Variants in CCDC192 observed in about 807,000 individuals in gnomAD.
The protein encoded by CCDC192 is coiled-coil domain-containing protein 192.
intron 3 of CCDC192, among the ~76,000 whole-genome samples, chr5:127,780,122 CATACACACACATATAT>C (rs1756113737): frequency 6.6e-6 from 1 of 151,948 alleles, no homozygotes; most frequent in Non-Finnish European, 1.5e-5. Context: ...TCTATATATA[CATACACACACATATAT>C]ATACACACAC....
In CCDC192 at chr5:127,899,579, A is replaced by AT. The variant is rs1554084559; in HGVS notation, c.535+23921dup. ...ACTGCACCAAAAAAAAAAAAAAAAA[A>AT]TTTGATTTGATGAGAAAAAAAGATC... On this transcript the variant is annotated intron_variant, in intron 6 of 6. Transcript: ENST00000514853. Among the ~76,000 whole-genome samples, 614 of 145,284 alleles carry AT rather than the reference A, an allele frequency of 4.2e-3. 7 individuals are homozygous for AT. The highest frequency in any genetic ancestry group is 0.015 in the African/African-American group (592 of 38,872).
intron 5 of CCDC192, among the ~76,000 whole-genome samples, chr5:127,861,716 A>G (rs1419533042): frequency 7.4e-6 from 1 of 135,158 alleles, no homozygotes; most frequent in Non-Finnish European, 1.6e-5. Flanking sequence ...TGAACATTTG[A>G]CGCTCAAAGC....
rs189096663 is a variant in CCDC192 at position 127,713,677 on chromosome 5, T to C, written c.114+5917T>C. On this transcript the variant is annotated intron_variant, in intron 2 of 6. Transcript: ENST00000514853. ...CCTAATTTTTATTCTAGGAATGTTA[T>C]ACTTTTAGGGATTTTTTCCTGTTGT... 4.2e-3 allele frequency among the ~76,000 whole-genome samples: 637 copies of C among 152,334 alleles called. 3 individuals are homozygous for C. Among genetic ancestry groups the C allele is most frequent in the Non-Finnish European group, 6.9e-3 (467 of 68,024 alleles).
At chr5:127,716,277 T>G (rs1443694492) in intron 2 of CCDC192, among the ~76,000 whole-genome samples, 1 of 152,262 alleles carries the variant, frequency 6.6e-6, no homozygotes, top group East Asian at 1.9e-4. Context: ...GATGTGCTAT[T>G]GGATTGGATT....
chr5:127,809,877 G>A (rs1285553233), intron 5 of CCDC192, among the ~76,000 whole-genome samples: 1 of 152,190 alleles, frequency 6.6e-6, no homozygotes, highest in African/African-American at 2.4e-5. Context: ...GATTTTTGGT[G>A]TGAAATCTTC....
intron 3 of CCDC192, among the ~76,000 whole-genome samples, chr5:127,776,670 A>G (rs187560268): frequency 2.6e-4 from 39 of 152,298 alleles, no homozygotes; most frequent in African/African-American, 9.4e-4. Flanking sequence ...CTGGGAGGAA[A>G]AAATGGTTTC....
intron 3 of CCDC192, among the ~76,000 whole-genome samples, chr5:127,788,597 A>G (rs576163013): frequency 1.8e-4 from 28 of 152,152 alleles, no homozygotes; most frequent in Admixed American, 7.2e-4. Flanking sequence ...TTATTCCTCA[A>G]TTCCTCCAAT....
chr5:127,814,366 C>T (rs1158653575), intron 5 of CCDC192, among the ~76,000 whole-genome samples: 3 of 152,210 alleles, frequency 2.0e-5, no homozygotes, highest in Non-Finnish European at 2.9e-5. Flanking sequence ...GTTTCCCCCT[C>T]AATGCTCTTT....
intron 6 of CCDC192, among the ~76,000 whole-genome samples, chr5:127,902,365 T>C (rs1229855233): frequency 6.6e-6 from 1 of 152,006 alleles, no homozygotes; most frequent in Non-Finnish European, 1.5e-5. Flanking sequence ...TTTTTTTTTT[T>C]TCCATTCTTG....
chr5:127,777,650 G>A (rs1040383554), intron 3 of CCDC192, among the ~76,000 whole-genome samples: 1 of 152,152 alleles, frequency 6.6e-6, no homozygotes, highest in East Asian at 1.9e-4. Context: ...TGTAACTCCT[G>A]TAAGTCCCAC....
rs566383979 is a variant in CCDC192, at chr5:127,792,601, G to A, written c.223-4502G>A. On this transcript the variant is annotated intron_variant, in intron 3 of 6. Coordinates refer to ENST00000514853, the MANE Select transcript of CCDC192 (RefSeq NM_001317938.2). ...TGCAGCTGTAGTCTCAGCTACCCAGGAAGGTGAGATGGGAGGATGGCTCGA... is the reference window on the plus strand; with the variant it reads ...TGCAGCTGTAGTCTCAGCTACCCAGAAAGGTGAGATGGGAGGATGGCTCGA... Among the ~76,000 whole-genome samples the A allele has an allele frequency of 2.0e-3, 298 of 151,542 alleles. 1 individual carries two copies. The highest frequency in any genetic ancestry group is 2.6e-3 in the Non-Finnish European group (178 of 67,942).
intron 3 of CCDC192, among the ~76,000 whole-genome samples, chr5:127,764,654 G>T (rs1254655843): frequency 2.0e-5 from 3 of 151,842 alleles, no homozygotes; most frequent in Admixed American, 6.6e-5. Context: ...CTAATCTTTT[G>T]GCTTCTCTTG....
intron 5 of CCDC192, among the ~76,000 whole-genome samples, chr5:127,803,053 G>A (rs1192274956): frequency 3.3e-5 from 5 of 152,156 alleles, no homozygotes; most frequent in African/African-American, 7.2e-5. Context: ...CCTATTTCAC[G>A]TGAAATAAAA....
intron 5 of CCDC192, among the ~76,000 whole-genome samples, chr5:127,812,820 C>A (rs539907938): frequency 6.6e-6 from 1 of 152,240 alleles, no homozygotes; most frequent in African/African-American, 2.4e-5. Context: ...AGTTTTGCAA[C>A]TGAAAAAGAC....
At chr5:127,784,235 A>G (rs1435923126) in intron 3 of CCDC192, among the ~76,000 whole-genome samples, 1 of 152,236 alleles carries the variant, frequency 6.6e-6, no homozygotes, top group South Asian at 2.1e-4. Flanking sequence ...TTTTCATAGC[A>G]GATTACACAT....
At chr5:127,882,721 G>A (rs1752407831) in intron 6 of CCDC192, among the ~76,000 whole-genome samples, 1 of 152,150 alleles carries the variant, frequency 6.6e-6, no homozygotes. Flanking sequence ...AGTGCGTTGG[G>A]CCTAAATAAA....
chr5:127,775,742 C>T (rs186386329), intron 3 of CCDC192, among the ~76,000 whole-genome samples: 87 of 152,272 alleles, frequency 5.7e-4, no homozygotes, highest in African/African-American at 2.0e-3. Flanking sequence ...GTGGGAGGGA[C>T]CTGGTGGGAG....
At chr5:127,745,794 A>G (rs769178883) in intron 2 of CCDC192, among the ~76,000 whole-genome samples, 4 of 152,204 alleles carry the variant, frequency 2.6e-5, no homozygotes, top group South Asian at 2.1e-4. Flanking sequence ...GAAAGTATTC[A>G]TTTTCATTAT....
chr5:127,738,455 T>A (rs1170129311), intron 2 of CCDC192, among the ~76,000 whole-genome samples: 1 of 144,516 alleles, frequency 6.9e-6, no homozygotes, highest in Non-Finnish European at 1.5e-5. Context: ...TTCTCTGTAT[T>A]TCCTGAATCT....
Sources: allele counts gnomAD v4.1 joint callset (sites outside exome capture counted in the v4.1 genomes callset), GRCh38; gene constraint gnomAD v4.1.1; transcripts MANE v1.5; gene names NCBI Gene and HGNC (gene_info 2026-07-23, HGNC 2026-07-21).